Variants in SDC2 observed in about 807,000 individuals in gnomAD.
SDC2 encodes the protein syndecan 2, also known as syndecan-2.
A neutral mutation model predicts 22.2 loss-of-function variants in SDC2; 13 were observed. The observed-to-expected ratio is 0.59, with a 90% CI of 0.38 to 0.93. The LOEUF is 0.93. Among genes scored for constraint, SDC2 ranks in the 40% least tolerant of loss-of-function variants. The pLI is 0.00. For missense variants in SDC2, 235 were observed against 246.8 expected (o/e 0.95, Z 0.32); for synonymous variants, 94 against 92.8 (o/e 1.01, Z -0.07).
At chr8:96,516,382 A>G (rs950129833) in intron 1 of SDC2, among the ~76,000 whole-genome samples, 3 of 152,226 alleles carry the variant, frequency 2.0e-5, no homozygotes, top group Non-Finnish European at 4.4e-5. Context: ...ATTTTATGCT[A>G]CTTAGAGTTG....
At chr8:96,510,963 G>A (rs1393528755) in intron 1 of SDC2, among the ~76,000 whole-genome samples, 1 of 152,148 alleles carries the variant, frequency 6.6e-6, no homozygotes, top group Non-Finnish European at 1.5e-5. Flanking sequence ...GGAAATTGAG[G>A]TCTGTTACAA....
intron 1 of SDC2, chr8:96,586,490 C>G (rs1204890351): frequency 6.6e-6 from 1 of 152,154 alleles, no homozygotes; most frequent in Non-Finnish European, 1.5e-5. Flanking sequence ...TAAGAAGAGC[C>G]CCACTCTATA....
intron 1 of SDC2, among the ~76,000 whole-genome samples, chr8:96,562,092 C>G (rs976749955): frequency 6.6e-6 from 1 of 152,108 alleles, no homozygotes; most frequent in African/African-American, 2.4e-5. Context: ...TTTGATTTCC[C>G]CCCCATTGAT....
chr8:96,522,556 C>T (rs573571760), intron 1 of SDC2, among the ~76,000 whole-genome samples: 41 of 152,284 alleles, frequency 2.7e-4, no homozygotes, highest in South Asian at 8.3e-4. Flanking sequence ...TTCACCCTAT[C>T]GAGAAACACT....
At chr8:96,546,407 C>G (rs1813932872) in intron 1 of SDC2, among the ~76,000 whole-genome samples, 1 of 152,158 alleles carries the variant, frequency 6.6e-6, no homozygotes, top group Non-Finnish European at 1.5e-5. Context: ...GGCTTTCTCT[C>G]TCCTCTCTTT....
intron 1 of SDC2, among the ~76,000 whole-genome samples, chr8:96,573,114 T>A (rs1814423327): frequency 6.6e-6 from 1 of 152,200 alleles, no homozygotes; most frequent in Non-Finnish European, 1.5e-5. Flanking sequence ...CTTGTATTCT[T>A]GTTTTTTGTT....
At chr8:96,559,103 G>A (rs988468447) in intron 1 of SDC2, among the ~76,000 whole-genome samples, 2 of 152,114 alleles carry the variant, frequency 1.3e-5, no homozygotes, top group Admixed American at 6.5e-5. Flanking sequence ...TCTGGGCTGG[G>A]TGCTTGCTCT....
intron 1 of SDC2, among the ~76,000 whole-genome samples, chr8:96,508,311 T>G (rs1365277671): frequency 1.3e-5 from 1 of 79,458 alleles, no homozygotes; most frequent in Admixed American, 1.2e-4. Flanking sequence ...ATAATAATAA[T>G]AATAATAATA....
At chr8:96,531,895 A>G (rs1813666942) in intron 1 of SDC2, among the ~76,000 whole-genome samples, 2 of 152,194 alleles carry the variant, frequency 1.3e-5, no homozygotes, top group Admixed American at 1.3e-4. Flanking sequence ...CTTTGTCTGA[A>G]CCACAAAATT....
chr8:96,562,367 G>T (rs1026997586), intron 1 of SDC2, among the ~76,000 whole-genome samples: 4 of 152,290 alleles, frequency 2.6e-5, no homozygotes, highest in Admixed American at 1.3e-4. Flanking sequence ...AAAAGAGGTG[G>T]CATCTTTCCC....
intron 1 of SDC2, among the ~76,000 whole-genome samples, chr8:96,565,084 A>ATTTTT (rs11304418): frequency 0.014 from 954 of 67,790 alleles, 163 homozygotes; most frequent in Non-Finnish European, 0.019. Flanking sequence ...CCTAAATTTG[A>ATTTTT]TTTTTTTTTT....
chr8:96,600,416 T>C (rs1446726163), intron 2 of SDC2, among the ~76,000 whole-genome samples: 2 of 152,224 alleles, frequency 1.3e-5, no homozygotes, highest in African/African-American at 4.8e-5. Context: ...TCTCAAATGC[T>C]ATTCTAGTGA....
At position 96,494,347 on chromosome 8, in the gene SDC2, G is replaced by C; in HGVS notation, c.60+16G>C. The C allele has an allele frequency of 6.5e-7, 1 of 1,538,892 alleles. No individual in the cohort carries two copies. Among genetic ancestry groups the C allele is most frequent in the Non-Finnish European group, 8.7e-7 (1 of 1,147,154 alleles). ...GGCGGAGTCGGTGAGTGGGCCAGGC[G>C]GAGGATGCGCGCGCCGTTTAGGGTG... On this transcript the variant is annotated intron_variant, in intron 1 of 4. Coordinates refer to ENST00000302190, the MANE Select transcript of SDC2 (RefSeq NM_002998.4).
intron 1 of SDC2, among the ~76,000 whole-genome samples, chr8:96,496,048 A>G (rs1007336423): frequency 1.3e-5 from 2 of 152,098 alleles, no homozygotes; most frequent in African/African-American, 2.4e-5. Flanking sequence ...GGGCAAAGGG[A>G]CTTCATCTAA....
chr8:96,507,579 C>T (rs553812374), intron 1 of SDC2, among the ~76,000 whole-genome samples: 26 of 152,178 alleles, frequency 1.7e-4, no homozygotes, highest in Non-Finnish European at 2.9e-4. Context: ...ATTTGTAAGT[C>T]TTAGGAAGAT....
intron 1 of SDC2, among the ~76,000 whole-genome samples, chr8:96,533,585 G>T (rs950229362): frequency 6.6e-6 from 1 of 151,648 alleles, no homozygotes; most frequent in Admixed American, 6.6e-5. Flanking sequence ...GTGCTGATTG[G>T]TGCATTCACA....
chr8:96,498,901 A>G (rs930125802), intron 1 of SDC2, among the ~76,000 whole-genome samples: 1 of 152,158 alleles, frequency 6.6e-6, no homozygotes, highest in Non-Finnish European at 1.5e-5. Flanking sequence ...CTATGTCAGT[A>G]GCCTTGTAGT....
intron 1 of SDC2, among the ~76,000 whole-genome samples, chr8:96,591,799 G>T (rs1167264853): frequency 1.3e-5 from 2 of 151,972 alleles, no homozygotes. Context: ...ATGGGAGCAC[G>T]AATGGTGGTT....
At chr8:96,560,239 A>G (rs1359345638) in intron 1 of SDC2, among the ~76,000 whole-genome samples, 1 of 152,196 alleles carries the variant, frequency 6.6e-6, no homozygotes, top group Non-Finnish European at 1.5e-5. Context: ...ATTTTACAAA[A>G]TGTTACTCTG....
Sources: gnomAD v4.1 joint callset for allele counts (sites outside exome capture counted in the v4.1 genomes callset) on GRCh38, gnomAD v4.1.1 for gene constraint, MANE v1.5 for transcripts, NCBI Gene and HGNC (gene_info 2026-07-23, HGNC 2026-07-21) for gene names.